The following NT5C1B variants were observed in gnomAD, a reference collection of about 807,000 sequenced individuals.
NT5C1B encodes 5'-nucleotidase, cytosolic IB.
In NT5C1B, 44 loss-of-function variants were observed where a neutral mutation model predicts 57.8. The ratio of observed to expected loss-of-function variants is 0.76; its 90% CI spans 0.60 to 0.98. The LOEUF is 0.98. Ranked by LOEUF, NT5C1B falls within the 50% of genes least tolerant of loss-of-function variation. The probability of loss-of-function intolerance (pLI) is 0.00; values close to 1 mark genes in which losing one functional copy is unlikely to be tolerated. For synonymous variants in NT5C1B, 284 were observed against 282.6 expected (o/e 1.00, Z -0.05); for missense variants, 742 against 719.5 (o/e 1.03, Z -0.36).
chr2:18,572,083 C>CAAAAAAAAAAAAAAAAAAA (rs34186303), intron 8 of NT5C1B, among the ~76,000 whole-genome samples: 1 of 97,440 alleles, frequency 1.0e-5, no homozygotes. Context: ...GAGACTCTGT[C>CAAAAAAAAAAAAAAAAAAA]AAAAAAAAAA....
At chr2:18,576,067 A>G in intron 8 of NT5C1B, 117 bp downstream of exon 8, 1 of 1,116,522 alleles carries the variant, frequency 9.0e-7, no homozygotes, top group Non-Finnish European at 1.2e-6. Flanking sequence ...TAAGACAGTA[A>G]GAAGGAGTGC....
chr2:18,584,267 G>T lies in NT5C1B; in HGVS notation c.724-12C>A. 6.2e-7 allele frequency: 1 copy of T among 1,611,574 alleles called. No homozygotes were observed. The highest frequency in any genetic ancestry group is 1.3e-5 in the African/African-American group (1 of 75,002). On this transcript the variant is annotated splice_polypyrimidine_tract_variant and intron_variant, in intron 4 of 8. Transcript: ENST00000304081. The surrounding 1 kb of genome is among the most constrained non-coding windows in gnomAD (Gnocchi z 5.8). ...TTCTTGGGTTTGGGCTGCAGAGAGGGACGCCAAAGGGAGGATAGTCACATA... is the reference window on the plus strand; with the variant it reads ...TTCTTGGGTTTGGGCTGCAGAGAGGTACGCCAAAGGGAGGATAGTCACATA...
At chr2:18,582,008 C>G (rs1666228255) in intron 6 of NT5C1B, among the ~76,000 whole-genome samples, 1 of 152,118 alleles carries the variant, frequency 6.6e-6, no homozygotes, top group Admixed American at 6.5e-5. Flanking sequence ...CCTCAATCAC[C>G]TACTAAATCA....
At chr2:18,577,678 A>G (rs1378863461) in intron 6 of NT5C1B, among the ~76,000 whole-genome samples, 5 of 151,878 alleles carry the variant, frequency 3.3e-5, no homozygotes, top group Non-Finnish European at 7.4e-5. Flanking sequence ...AATTAACAAC[A>G]TAACATCACA....
chr2:18,584,482 C>T lies in NT5C1B; in HGVS notation c.723+32G>A. 2.5e-6 allele frequency: 4 copies of T among 1,592,040 alleles called. No individual in the cohort carries two copies. The highest frequency in any genetic ancestry group is 3.4e-6 in the Non-Finnish European group (4 of 1,170,194). On this transcript the variant is annotated intron_variant, in intron 4 of 8. Transcript: ENST00000304081. This position sits in a 1 kb window ranked among gnomAD's most constrained non-coding sequence, Gnocchi z 5.8. ...CTGGAAGAGGCTGCAAGGAAGGGCG[C>T]CCCGGCTGCCAGGGGCGGCGGGCTG...
intron 6 of NT5C1B, among the ~76,000 whole-genome samples, chr2:18,580,976 A>G (rs1022695156): frequency 1.3e-5 from 2 of 152,330 alleles, no homozygotes; most frequent in South Asian, 4.1e-4. Context: ...TTGAAAAACT[A>G]CCTATTGGGT....
chr2:18,587,112 G>T, intron 2 of NT5C1B: 1 of 1,614,122 alleles, frequency 6.2e-7, no homozygotes, highest in Non-Finnish European at 8.5e-7. Context: ...GCGTCTACAC[G>T]ACGAGTGACC....
chr2:18,582,343 A>G (rs1666253996), intron 6 of NT5C1B, among the ~76,000 whole-genome samples: 2 of 152,244 alleles, frequency 1.3e-5, no homozygotes, highest in South Asian at 4.1e-4. Context: ...GAAAAGTTGG[A>G]ACTTTCTCTT....
exon 8 of NT5C1B, chr2:18,576,195 G>T (rs1188549064): frequency 6.2e-7 from 1 of 1,611,132 alleles, no homozygotes; most frequent in Non-Finnish European, 8.5e-7. Flanking sequence ...TGAGCAAGAG[G>T]CTTACTTTCA....
intron 1 of NT5C1B, among the ~76,000 whole-genome samples, chr2:18,588,744 C>T (rs549848309): frequency 1.1e-3 from 164 of 152,136 alleles, no homozygotes; most frequent in Non-Finnish European, 1.8e-3. Context: ...ATCTGTCCAC[C>T]GTATTTATTT....
chr2:18,578,223 A>C (rs927681825), intron 6 of NT5C1B, among the ~76,000 whole-genome samples: 12 of 152,172 alleles, frequency 7.9e-5, no homozygotes, highest in African/African-American at 2.9e-4. Context: ...TCCTACTGAA[A>C]CTATTGTAAA....
Position 18,584,103 on chromosome 2 carries a change from CG to C in NT5C1B, c.875del (p.Ala292GlyfsTer30). 2 of 1,614,166 alleles carry C rather than the reference CG, an allele frequency of 1.2e-6. No homozygotes were observed. Among genetic ancestry groups the C allele is most frequent in the Non-Finnish European group, 1.7e-6 (2 of 1,180,048 alleles). ...TGCAGAATACCTTGACGAAGCGGAA[CG>C]CCGGGCCCGGGGTCAGGATGACGTT... On this transcript the variant is annotated frameshift_variant, in exon 5 of 9. Transcript: ENST00000304081. LOFTEE classifies it high-confidence loss of function. The surrounding 1 kb of genome is among the most constrained non-coding windows in gnomAD (Gnocchi z 5.8).
intron 1 of NT5C1B, among the ~76,000 whole-genome samples, chr2:18,588,162 A>T (rs1000247039): frequency 4.6e-5 from 7 of 152,226 alleles, no homozygotes; most frequent in Non-Finnish European, 5.9e-5. Context: ...ATTTCTTACC[A>T]ACAAATTAAC....
At chr2:18,576,949 G>A (rs193074195) in intron 6 of NT5C1B, 54 bp from the exon 7 acceptor site, 128 of 1,603,306 alleles carry the variant, frequency 8.0e-5, no homozygotes, top group African/African-American at 5.9e-4. Context: ...ACAAAATGCC[G>A]TAAATCCAAG....
intron 3 of NT5C1B, chr2:18,585,264 C>G (rs910841920): frequency 1.5e-5 from 10 of 684,256 alleles, no homozygotes; most frequent in Non-Finnish European, 2.4e-5. Flanking sequence ...TCTTCCTCCC[C>G]CTTAGGCAGC....
At chr2:18,587,615 T>G in intron 1 of NT5C1B, 23 bp from the exon 2 acceptor site, 1 of 1,600,196 alleles carries the variant, frequency 6.2e-7, no homozygotes, top group Non-Finnish European at 8.5e-7. Flanking sequence ...ACAAAGAATG[T>G]TTATTAATTT....
intron 5 of NT5C1B, 158 bp downstream of exon 5, chr2:18,583,930 G>T: frequency 1.6e-6 from 2 of 1,289,034 alleles, no homozygotes; most frequent in Non-Finnish European, 2.2e-6. Context: ...GGAAGCCTGT[G>T]CGAAATCATA....
intron 6 of NT5C1B, among the ~76,000 whole-genome samples, chr2:18,577,994 C>T (rs1339382033): frequency 6.6e-6 from 1 of 152,086 alleles, no homozygotes; most frequent in Non-Finnish European, 1.5e-5. Context: ...TTACAGACAC[C>T]TCTATGCATA....
chr2:18,579,612 T>C (rs1425696179), intron 6 of NT5C1B, among the ~76,000 whole-genome samples: 1 of 152,178 alleles, frequency 6.6e-6, no homozygotes, highest in Non-Finnish European at 1.5e-5. Flanking sequence ...ATGGGACCCC[T>C]TTCTTTCACC....
Sources: gnomAD v4.1 joint callset for allele counts (sites outside exome capture counted in the v4.1 genomes callset) on GRCh38, gnomAD v4.1.1 for gene constraint, Gnocchi (gnomAD v3.1) non-coding constraint, MANE v1.5 for transcripts, NCBI Gene and HGNC (gene_info 2026-07-23, HGNC 2026-07-21) for gene names.